The following COL5A2 variants were observed in gnomAD, a reference collection of about 807,000 sequenced individuals.
The protein encoded by COL5A2 is collagen type V alpha 2 chain, also known as collagen alpha-2(V) chain.
Under a neutral mutation model 208.2 loss-of-function variants are expected in COL5A2, and 23 were observed. The ratio of observed to expected loss-of-function variants is 0.11; its 90% CI spans 0.08 to 0.16. The LOEUF (loss-of-function observed/expected upper bound fraction) is 0.16. Among genes scored for constraint, COL5A2 ranks in the 10% least tolerant of loss-of-function variants. COL5A2 has a pLI of 1.00. For missense variants in COL5A2, 1,590 were observed against 1,956.4 expected, an observed-to-expected ratio of 0.81 and a Z score of 3.53; for synonymous variants, 625 against 628.5, an observed-to-expected ratio of 0.99 and a Z score of 0.08.
rs1343185111 is a variant in COL5A2 at position 189,189,681 on chromosome 2, C to CAT, written c.-42+35465_-42+35466dup. 1.5e-4 allele frequency among the ~76,000 whole-genome samples: 10 copies of CAT among 66,952 alleles called. No homozygotes were observed. In the East Asian group the frequency reaches 4.7e-3, roughly 32 times the overall value. 43.9% of individuals were successfully genotyped at this position (66,952 alleles called of 152,430 possible). A position where few individuals can be genotyped will look rare whatever the true frequency, so the allele number is the denominator to read the frequency against. Reference sequence around the variant, plus strand: ...GTAAAAAGGAAAATATGTATGTGTGCATGTATATATATATATTTCATTTGA... The same window carrying CAT: ...GTAAAAAGGAAAATATGTATGTGTGCATATGTATATATATATATTTCATTTGA... On this transcript the variant is annotated intron_variant, in intron 1 of 10. Coordinates refer to the COL5A2 transcript ENST00000649966.
chr2:189,240,685 C>T, the COL5A2 span, among the ~76,000 whole-genome samples: 1 of 152,112 alleles, frequency 6.6e-6, no homozygotes, highest in South Asian at 2.1e-4. Context: ...CCATGTTTTT[C>T]ACCAGTCCTA....
the COL5A2 span, among the ~76,000 whole-genome samples, chr2:189,402,155 G>A: frequency 2.6e-5 from 4 of 152,232 alleles, no homozygotes; most frequent in East Asian, 5.8e-4. Context: ...TCTATGTCCT[G>A]AATGGTATTG....
chr2:189,217,505 G>C (rs1338506382), intron 1 of COL5A2, among the ~76,000 whole-genome samples: 1 of 150,896 alleles, frequency 6.6e-6, no homozygotes, highest in Non-Finnish European at 1.5e-5. Context: ...AGTGAGATTT[G>C]TGTGTGTGTG....
the COL5A2 span, among the ~76,000 whole-genome samples, chr2:189,285,075 T>TGTGTGTGTGTGG: frequency 7.1e-6 from 1 of 140,784 alleles, no homozygotes; most frequent in Non-Finnish European, 1.6e-5. Context: ...GCACATGGTG[T>TGTGTGTGTGTGG]GTGTGTGTGT....
At chr2:189,265,539 G>T in the COL5A2 span, among the ~76,000 whole-genome samples, 1 of 152,122 alleles carries the variant, frequency 6.6e-6, no homozygotes, top group African/African-American at 2.4e-5. Context: ...AATCCAGTAA[G>T]ACCTCATCTC....
chr2:189,074,023 T>C (rs187464913), intron 17 of COL5A2, among the ~76,000 whole-genome samples: 79 of 152,252 alleles, frequency 5.2e-4, no homozygotes, highest in Admixed American at 2.4e-3. Context: ...GGAGAACTAT[T>C]GCAAGTAATG....
At chr2:189,066,339 A>G (rs750631870) in intron 23 of COL5A2, 51 bp downstream of exon 23, 2 of 1,495,280 alleles carry the variant, frequency 1.3e-6, no homozygotes, top group South Asian at 1.1e-5. Flanking sequence ...TCAGACTTAC[A>G]CACATAATTC....
In COL5A2 at chr2:189,053,406, G is replaced by A. The variant is rs1241042906; in HGVS notation, c.2553+18C>T. On this transcript the variant is annotated intron_variant, in intron 38 of 53. Transcript: ENST00000374866. The stretch of plus-strand genomic sequence containing the variant: ...GATAAGTGTTTATTTGTAAATTAGG[G>A]ATATTTGAAAATTATACCTGGGGTC... The A allele has an allele frequency of 3.7e-6, 6 of 1,603,018 alleles. No individual in the cohort carries two copies. Among genetic ancestry groups the A allele is most frequent in the South Asian group, 1.1e-5 (1 of 90,816 alleles).
chr2:189,064,485 C>CAA, intron 25 of COL5A2, 72 bp downstream of exon 25: 3 of 1,102,630 alleles, frequency 2.7e-6, no homozygotes, highest in Non-Finnish European at 4.2e-6. Flanking sequence ...TAAAAACAAA[C>CAA]AAAAACCCGA....
chr2:189,361,695 C>T, the COL5A2 span, among the ~76,000 whole-genome samples: 1 of 151,816 alleles, frequency 6.6e-6, no homozygotes, highest in Non-Finnish European at 1.5e-5. Flanking sequence ...TTTCTCTTTT[C>T]CTCTTTTGCC....
chr2:189,211,915 T>A (rs772260723), intron 1 of COL5A2, among the ~76,000 whole-genome samples: 6 of 152,096 alleles, frequency 3.9e-5, no homozygotes, highest in Non-Finnish European at 7.4e-5. Flanking sequence ...CGAGCCTCTG[T>A]GATTTGAGAA....
At chr2:189,382,483 C>T in the COL5A2 span, among the ~76,000 whole-genome samples, 1 of 152,146 alleles carries the variant, frequency 6.6e-6, no homozygotes, top group African/African-American at 2.4e-5. Flanking sequence ...CCACCTTTGT[C>T]ATATAGTTAA....
the COL5A2 span, among the ~76,000 whole-genome samples, chr2:189,345,975 T>C: frequency 6.6e-6 from 1 of 152,200 alleles, no homozygotes; most frequent in Admixed American, 6.5e-5. Context: ...AAAGAAGTAA[T>C]TGACTTTAAT....
At chr2:189,160,186 G>T in intron 1 of COL5A2, among the ~76,000 whole-genome samples, 1 of 152,106 alleles carries the variant, frequency 6.6e-6, no homozygotes, top group Non-Finnish European at 1.5e-5. Flanking sequence ...ATTCCTTGTA[G>T]ATTCAGTGTC....
At chr2:189,429,692 A>T in the COL5A2 span, among the ~76,000 whole-genome samples, 1 of 152,172 alleles carries the variant, frequency 6.6e-6, no homozygotes, top group Non-Finnish European at 1.5e-5. Flanking sequence ...CTCTCATCAG[A>T]TATTTATGGG....
At chr2:189,122,858 G>A (rs1376068443) in intron 1 of COL5A2, among the ~76,000 whole-genome samples, 1 of 152,224 alleles carries the variant, frequency 6.6e-6, no homozygotes, top group East Asian at 1.9e-4. Flanking sequence ...AGTGGAAAAT[G>A]TTATACTGGA....
the COL5A2 span, among the ~76,000 whole-genome samples, chr2:189,326,096 C>CAAAAAAAAA: frequency 1.0e-5 from 1 of 96,850 alleles, no homozygotes; most frequent in African/African-American, 3.8e-5. Flanking sequence ...GACCCTGTCT[C>CAAAAAAAAA]AAAAAAAAAA....
chr2:189,366,576 C>T, the COL5A2 span, among the ~76,000 whole-genome samples: 1 of 152,240 alleles, frequency 6.6e-6, no homozygotes, highest in Non-Finnish European at 1.5e-5. Context: ...CCATCACATT[C>T]CTCAAGCACC....
At chr2:189,071,562 T>A (rs1371271406) in intron 18 of COL5A2, among the ~76,000 whole-genome samples, 1 of 152,198 alleles carries the variant, frequency 6.6e-6, no homozygotes, top group South Asian at 2.1e-4. Context: ...CTTCATAGAA[T>A]TGGATTGTGG....
Sources: allele counts gnomAD v4.1 joint callset (sites outside exome capture counted in the v4.1 genomes callset), GRCh38; gene constraint gnomAD v4.1.1; transcripts MANE v1.5; gene names NCBI Gene and HGNC (gene_info 2026-07-23, HGNC 2026-07-21).